The following KAT7 variants were observed in gnomAD, a reference collection of about 807,000 sequenced individuals.
The protein encoded by KAT7 is lysine acetyltransferase 7.
KAT7 carries 10 observed loss-of-function variants against 82.1 expected under a neutral mutation model. The observed-to-expected ratio is 0.12, with a 90% confidence interval of 0.08 to 0.21. The LOEUF (loss-of-function observed/expected upper bound fraction) is 0.21. KAT7 is among the 10% of genes least tolerant of loss of function. The pLI, the probability that KAT7 is intolerant of heterozygous loss-of-function variation, is 1.00. For missense variants in KAT7, 378 were observed against 760.9 expected (o/e 0.50, Z 5.92); for synonymous variants, 250 against 262.5 (o/e 0.95, Z 0.46).
At position 49,788,842 on chromosome 17, in the gene KAT7, G is replaced by T. The variant is rs2073842645; in HGVS notation, c.8G>T (p.Arg3Leu). The change falls in exon 1 of 15, where the codon CGA becomes CTA. Residue 3 changes from arginine to leucine, a missense_variant. Physicochemically the swap from Arg to Leu is moderately radical, Grantham distance 102. Around this residue, in one of 6 missense-constraint regions of KAT7, gnomAD observed 161 missense variants for 229.6 expected, o/e 0.70. Coordinates refer to ENST00000259021, the MANE Select transcript of KAT7 (RefSeq NM_007067.5). The part of the protein sequence containing the change: MP[R>L]RKRNAGSSSD... ...GGGCCGCAGCCGCCGGCAATGCCGC[G>T]AAGGAAGGTGAGAAACGGGAGAGGA... is the stretch of plus-strand genomic sequence containing the variant. The T allele has an allele frequency of 2.5e-6, 4 of 1,587,230 alleles. No individual in the cohort carries two copies. Among genetic ancestry groups the T allele is most frequent in the Non-Finnish European group, 3.4e-6 (4 of 1,165,238 alleles).
chr17:49,791,816 A>G, intron 1 of KAT7, 70 bp from the exon 2 acceptor site: 5 of 1,499,026 alleles, frequency 3.3e-6, no homozygotes, highest in Non-Finnish European at 4.6e-6. Flanking sequence ...AGCTTGTTTT[A>G]TTTTCAATGT....
At chr17:49,824,055 A>G (rs2074337872) in intron 12 of KAT7, among the ~76,000 whole-genome samples, 1 of 152,186 alleles carries the variant, frequency 6.6e-6, no homozygotes, top group Non-Finnish European at 1.5e-5. Context: ...TTCAATGTTA[A>G]TGATATCAAC....
intron 1 of KAT7, chr17:49,790,040 C>T (rs2073865274): frequency 6.6e-6 from 1 of 152,180 alleles, no homozygotes; most frequent in Admixed American, 6.5e-5. Flanking sequence ...TGCTCATTTC[C>T]TGGCAGGTTA....
At chr17:49,791,770 C>T (rs951436129) in intron 1 of KAT7, 116 bp from the exon 2 acceptor site, 10 of 979,876 alleles carry the variant, frequency 1.0e-5, no homozygotes, top group Non-Finnish European at 1.4e-5. Flanking sequence ...TTGTGGAATC[C>T]TTATTTAGGT....
chr17:49,805,498 C>T, intron 5 of KAT7, 53 bp downstream of exon 5: 1 of 1,360,746 alleles, frequency 7.3e-7, no homozygotes, highest in Non-Finnish European at 1.0e-6. Context: ...TTACCGTTTG[C>T]CAGGCACTTT....
At chr17:49,810,508 T>C (rs2074149595) in intron 6 of KAT7, among the ~76,000 whole-genome samples, 1 of 152,154 alleles carries the variant, frequency 6.6e-6, no homozygotes, top group Non-Finnish European at 1.5e-5. Context: ...CCACCTGCCT[T>C]GGCCTCCCAA....
chr17:49,811,090 T>A (rs1170896969), intron 6 of KAT7, among the ~76,000 whole-genome samples: 1 of 152,062 alleles, frequency 6.6e-6, no homozygotes, highest in Non-Finnish European at 1.5e-5. Context: ...AAAATTTTTT[T>A]ACATGTTTTG....
chr17:49,792,277 G>C (rs887057049), intron 2 of KAT7, among the ~76,000 whole-genome samples: 1 of 152,174 alleles, frequency 6.6e-6, no homozygotes, highest in African/African-American at 2.4e-5. Context: ...AGAGACACAC[G>C]TATGTCTTGA....
At chr17:49,815,962 G>A in intron 8 of KAT7, 49 bp downstream of exon 8, 1 of 1,070,460 alleles carries the variant, frequency 9.3e-7, no homozygotes, top group Non-Finnish European at 1.4e-6. Flanking sequence ...AAGGTGCTTA[G>A]AGTTGCCAGG....
intron 12 of KAT7, 49 bp from the exon 13 acceptor site, chr17:49,825,951 G>T: frequency 6.4e-7 from 1 of 1,570,480 alleles, no homozygotes; most frequent in Non-Finnish European, 8.7e-7. Flanking sequence ...TTTGCTATTA[G>T]GATAAGATCG....
Position 49,829,515 on chromosome 17 carries a change from GC to G in KAT7, c.*2014del, listed in dbSNP as rs1268404477. ...CTCCAAGCTCATTCACCAGTATTGA[GC>G]AGTGTCACCTCTAATTATTGACTCT... On this transcript the variant is annotated 3_prime_UTR_variant, in exon 15 of 15. Transcript: ENST00000259021. 2 of 152,176 alleles carry G rather than the reference GC, an allele frequency of 1.3e-5. No homozygotes were observed. Among genetic ancestry groups the G allele is most frequent in the Non-Finnish European group, 2.9e-5 (2 of 68,034 alleles). The allele number at this position is 152,176 out of a possible 1,614,324, so 9.4% of individuals were successfully genotyped here.
chr17:49,812,960 C>G (rs59814289), intron 7 of KAT7, among the ~76,000 whole-genome samples: 4 of 150,234 alleles, frequency 2.7e-5, no homozygotes, highest in South Asian at 2.1e-4. Context: ...CTCGGCCTCC[C>G]GAAGTGCTGG....
chr17:49,815,038 C>T (rs1035900400), intron 7 of KAT7: 7 of 152,198 alleles, frequency 4.6e-5, no homozygotes, highest in Non-Finnish European at 1.0e-4. Flanking sequence ...TTTGTAGAAT[C>T]TCTTTCCTGG....
intron 12 of KAT7, chr17:49,824,847 T>G (rs1286752697): frequency 6.6e-6 from 1 of 152,176 alleles, no homozygotes; most frequent in Non-Finnish European, 1.5e-5. Context: ...TACCGTTTTT[T>G]GGGGGGCTAA....
intron 2 of KAT7, among the ~76,000 whole-genome samples, chr17:49,795,175 T>C (rs1442080716): frequency 6.6e-6 from 1 of 152,126 alleles, no homozygotes; most frequent in Non-Finnish European, 1.5e-5. Flanking sequence ...AAATGACAAG[T>C]GTTTGAGATA....
intron 4 of KAT7, among the ~76,000 whole-genome samples, chr17:49,803,004 A>G (rs1280963172): frequency 1.3e-5 from 2 of 152,130 alleles, no homozygotes; most frequent in African/African-American, 4.8e-5. Context: ...TGCTGGGATT[A>G]CAGGTGTGAG....
chr17:49,793,399 A>T (rs560719486), intron 2 of KAT7, among the ~76,000 whole-genome samples: 1 of 152,286 alleles, frequency 6.6e-6, no homozygotes, highest in South Asian at 2.1e-4. Flanking sequence ...GCATTTAGGC[A>T]TCTGGGGTTA....
chr17:49,789,737 A>C (rs991712030), intron 1 of KAT7: 1 of 152,208 alleles, frequency 6.6e-6, no homozygotes, highest in Non-Finnish European at 1.5e-5. Flanking sequence ...CCCTGGCTTA[A>C]GGGTGTCACA....
chr17:49,826,666 A>G (rs1416322513), intron 13 of KAT7, 27 bp from the exon 14 acceptor site: 1 of 1,538,466 alleles, frequency 6.5e-7, no homozygotes, highest in African/African-American at 1.4e-5. Flanking sequence ...CACTTTGGCC[A>G]GGTTGTCAGT....
Sources: allele counts gnomAD v4.1 joint callset (sites outside exome capture counted in the v4.1 genomes callset), GRCh38; gene constraint gnomAD v4.1.1; regional missense constraint gnomAD v4.1.1; transcripts MANE v1.5; gene names NCBI Gene and HGNC (gene_info 2026-07-23, HGNC 2026-07-21).